Variants in TIMP3 observed in about 807,000 individuals in gnomAD.
The protein encoded by TIMP3 is TIMP metallopeptidase inhibitor 3.
In TIMP3, 11 loss-of-function variants were observed where a neutral mutation model predicts 30.0. The observed-to-expected ratio is 0.37, with a 90% CI of 0.23 to 0.61. The LOEUF is 0.61. TIMP3 is among the 20% of genes least tolerant of loss of function. TIMP3 has a pLI of 0.70. For missense variants in TIMP3, 181 were observed against 276.8 expected (o/e 0.65, Z 2.45); for synonymous variants, 112 against 111.3 (o/e 1.01, Z -0.04).
intron 1 of TIMP3, among the ~76,000 whole-genome samples, chr22:32,828,838 G>A (rs555675338): frequency 6.6e-6 from 1 of 152,256 alleles, no homozygotes; most frequent in East Asian, 1.9e-4. Context: ...AGGGGAGTAG[G>A]GGCTGAAGAG....
chr22:32,835,071 T>C (rs1026298278), intron 1 of TIMP3, among the ~76,000 whole-genome samples: 7 of 152,206 alleles, frequency 4.6e-5, no homozygotes, highest in African/African-American at 1.4e-4. Flanking sequence ...CCTTCTTTTC[T>C]TTCCATGATC....
At chr22:32,846,377 C>T (rs183336698) in intron 1 of TIMP3, among the ~76,000 whole-genome samples, 329 of 152,330 alleles carry the variant, frequency 2.2e-3, no homozygotes, top group Non-Finnish European at 3.6e-3. Flanking sequence ...GGAGAACTCC[C>T]AGGCCTTAGC....
intron 1 of TIMP3, among the ~76,000 whole-genome samples, chr22:32,827,328 C>T (rs763655792): frequency 3.9e-5 from 6 of 152,214 alleles, no homozygotes; most frequent in Non-Finnish European, 7.3e-5. Flanking sequence ...TTCATTTGGG[C>T]CTGGACAGCT....
intron 2 of TIMP3, among the ~76,000 whole-genome samples, chr22:32,851,255 A>G (rs893044866): frequency 1.3e-5 from 2 of 152,122 alleles, no homozygotes; most frequent in East Asian, 3.9e-4. Context: ...AACAATCCTC[A>G]TTACGAGACA....
In TIMP3 at chr22:32,801,989, G is replaced by GGCA. The variant is rs1465163572; in HGVS notation, c.-7_-5dup. On this transcript the variant is annotated 5_prime_UTR_variant, in exon 1 of 5. Coordinates refer to ENST00000266085, the MANE Select transcript of TIMP3 (RefSeq NM_000362.5). This position sits in a 1 kb window ranked among gnomAD's most constrained non-coding sequence, Gnocchi z 4.7. Reference sequence around the variant, plus strand: ...GGCGAGCAGCAGCCCCGGCAGCGGCGGCAGCAGCGGCAATGACCCCTTGGC... The same window carrying GGCA: ...GGCGAGCAGCAGCCCCGGCAGCGGCGGCAGCAGCAGCGGCAATGACCCCTTGGC... 6.3e-7 allele frequency: 1 copy of GGCA among 1,582,542 alleles called. No individual in the cohort carries two copies. The highest frequency in any genetic ancestry group is 2.3e-5 in the East Asian group (1 of 43,806).
rs577017044 is a variant in TIMP3, at chr22:32,859,482, C to T, written c.*105C>T. The T allele has an allele frequency of 5.1e-6, 7 of 1,366,210 alleles. No individual in the cohort carries two copies. Among genetic ancestry groups the T allele is most frequent in the Admixed American group, 2.1e-5 (1 of 47,100 alleles). The allele number at this position is 1,366,210 out of a possible 1,614,324, so 84.6% of individuals were successfully genotyped here. On this transcript the variant is annotated 3_prime_UTR_variant, in exon 5 of 5. Coordinates refer to ENST00000266085, the MANE Select transcript of TIMP3 (RefSeq NM_000362.5). ...AATGAAATTAGTGCCTGTTTTCTTG[C>T]AAATTTAGCACTTGGAACATTTAAA...
At chr22:32,805,769 G>C (rs1441179193) in intron 1 of TIMP3, among the ~76,000 whole-genome samples, 2 of 152,080 alleles carry the variant, frequency 1.3e-5, no homozygotes, top group African/African-American at 4.8e-5. Flanking sequence ...GTTATACCAT[G>C]CTTCAAAAAC....
intron 2 of TIMP3, among the ~76,000 whole-genome samples, chr22:32,853,174 C>A (rs1271186317): frequency 6.6e-6 from 1 of 152,206 alleles, no homozygotes; most frequent in Admixed American, 6.5e-5. Flanking sequence ...CCACAGGGAA[C>A]CATTCTTCTT....
At chr22:32,834,809 G>A (rs2047682398) in intron 1 of TIMP3, among the ~76,000 whole-genome samples, 1 of 152,170 alleles carries the variant, frequency 6.6e-6, no homozygotes, top group Non-Finnish European at 1.5e-5. Flanking sequence ...ACCTGGAGAG[G>A]GGTCTGCATG....
chr22:32,859,719 T>C lies in TIMP3; in HGVS notation c.*342T>C, dbSNP rs2048482942. On this transcript the variant is annotated 3_prime_UTR_variant, in exon 5 of 5. Coordinates refer to ENST00000266085, the MANE Select transcript of TIMP3 (RefSeq NM_000362.5). ...AATGAAAAACTACTCCATTTGAGGA[T>C]TGTAATTCCCACCCCTCTTGCTTCT... 6.7e-6 allele frequency: 2 copies of C among 298,458 alleles called. No homozygotes were observed. Among genetic ancestry groups the C allele is most frequent in the South Asian group, 4.1e-5 (1 of 24,332 alleles). The allele number at this position is 298,458 out of a possible 1,614,324, so 18.5% of individuals were successfully genotyped here. A position where few individuals can be genotyped will look rare whatever the true frequency, so the allele number is the denominator to read the frequency against.
chr22:32,835,859 T>C (rs959117984), intron 1 of TIMP3, among the ~76,000 whole-genome samples: 6 of 152,190 alleles, frequency 3.9e-5, no homozygotes, highest in African/African-American at 9.6e-5. Context: ...GACTTCACCA[T>C]TGGATGAGAT....
intron 1 of TIMP3, among the ~76,000 whole-genome samples, chr22:32,830,632 G>A (rs1351219466): frequency 6.6e-6 from 1 of 152,144 alleles, no homozygotes; most frequent in Admixed American, 6.5e-5. Context: ...AATTCTCGTT[G>A]GAAAACACCA....
At chr22:32,849,318 C>T (rs559932796) in intron 1 of TIMP3, 134 bp from the exon 2 acceptor site, 19 of 737,384 alleles carry the variant, frequency 2.6e-5, no homozygotes, top group Non-Finnish European at 3.9e-5. Context: ...TAAACACAAT[C>T]ATCTATTCCA....
intron 1 of TIMP3, among the ~76,000 whole-genome samples, chr22:32,836,495 T>A (rs562315904): frequency 2.0e-5 from 3 of 152,380 alleles, no homozygotes; most frequent in Admixed American, 2.0e-4. Flanking sequence ...TACTTATTTA[T>A]TTTATTTAAA....
intron 1 of TIMP3, among the ~76,000 whole-genome samples, chr22:32,819,210 C>T (rs2047169332): frequency 6.6e-6 from 1 of 152,346 alleles, no homozygotes; most frequent in Middle Eastern, 3.4e-3. Context: ...CTTGGCCTTG[C>T]AGGCCGGTGC....
Position 32,849,436 on chromosome 22 carries a change from C to T in TIMP3, c.122-16C>T. ...AGGCCTTCCTAACCTCTTATTGTCT[C>T]CTTCTGTCTCTGCAGTGATCCGGGC... On this transcript the variant is annotated splice_polypyrimidine_tract_variant and intron_variant, in intron 1 of 4. Coordinates refer to ENST00000266085, the MANE Select transcript of TIMP3 (RefSeq NM_000362.5). The T allele has an allele frequency of 6.2e-7, 1 of 1,612,460 alleles. No individual in the cohort carries two copies.
intron 1 of TIMP3, among the ~76,000 whole-genome samples, chr22:32,807,362 A>AAATATATATTATATAAT (rs1569239684): frequency 4.0e-4 from 2 of 4,980 alleles, no homozygotes; most frequent in Non-Finnish European, 8.2e-4. Flanking sequence ...TATAATATAT[A>AAATATATATTATATAAT]ATATATATTA....
At chr22:32,848,174 TCTC>T (rs2048122554) in intron 1 of TIMP3, among the ~76,000 whole-genome samples, 2 of 152,218 alleles carry the variant, frequency 1.3e-5, no homozygotes, top group Non-Finnish European at 2.9e-5. Context: ...AGTCAAGTCC[TCTC>T]CTCTTTCTGT....
intron 1 of TIMP3, among the ~76,000 whole-genome samples, chr22:32,832,244 C>T (rs2047594167): frequency 6.6e-6 from 1 of 152,202 alleles, no homozygotes; most frequent in African/African-American, 2.4e-5. Flanking sequence ...ACATAGCAAA[C>T]AGGAAGCACG....
Sources: gnomAD v4.1 joint callset for allele counts (sites outside exome capture counted in the v4.1 genomes callset) on GRCh38, gnomAD v4.1.1 for gene constraint, Gnocchi (gnomAD v3.1) non-coding constraint, MANE v1.5 for transcripts, NCBI Gene and HGNC (gene_info 2026-07-23, HGNC 2026-07-21) for gene names.